Variants in RBBP7 observed in about 807,000 individuals in gnomAD.
RBBP7 encodes RB binding protein 7, chromatin remodeling factor, also known as histone-binding protein RBBP7.
A neutral mutation model predicts 35.2 loss-of-function variants in RBBP7; 5 were observed. The observed-to-expected ratio is 0.14, with a 90% confidence interval of 0.07 to 0.30. RBBP7 has a LOEUF of 0.30. RBBP7 is among the 10% of genes least tolerant of loss of function. The probability of loss-of-function intolerance (pLI) is 1.00; values close to 1 mark genes in which losing one functional copy is unlikely to be tolerated. For synonymous variants in RBBP7, 140 were observed against 118.7 expected (o/e 1.18, Z -1.17); for missense variants, 155 against 327.5 (o/e 0.47, Z 4.07).
rs1030968378 is a variant in RBBP7, at chrX:16,844,943, C to G, written c.*92G>C. On this transcript the variant is annotated 3_prime_UTR_variant, in exon 12 of 12. Transcript: ENST00000380087. ...AAGAAGCCATAAGCCACCCCACTTA[C>G]ATTTCCTACTATACAATGCCTTTTT... is the stretch of plus-strand genomic sequence containing the variant. 1.2e-6 allele frequency: 1 copy of G among 809,529 alleles called. No individual in the cohort carries two copies. Among genetic ancestry groups the G allele is most frequent in the East Asian group, 3.2e-5 (1 of 31,339 alleles). 66.7% of individuals were successfully genotyped at this position (809,529 alleles called of 1,213,427 possible).
At chrX:16,862,823 G>T in intron 3 of RBBP7, 132 bp downstream of exon 3, 1 of 700,574 alleles carries the variant, frequency 1.4e-6, no homozygotes, top group Non-Finnish European at 2.1e-6. Flanking sequence ...CATGTGGGTG[G>T]GAAGTTCTGT....
chrX:16,847,938 C>T (rs1227223114), intron 10 of RBBP7: 10 of 111,528 alleles, frequency 9.0e-5, no homozygotes, highest in Non-Finnish European at 1.7e-4. Context: ...TGTATTTTCT[C>T]AAGGACCTTG....
chrX:16,846,339 G>C (rs1271542003), intron 10 of RBBP7: 1 of 117,339 alleles, frequency 8.5e-6, no homozygotes, highest in Non-Finnish European at 1.8e-5. Context: ...CTCATATACA[G>C]TTAGGTGCAA....
In RBBP7 at chrX:16,869,213, T is replaced by A; in HGVS notation, c.24A>T (p.Glu8Asp). ...TGATGACACGCTCCTCCACAGTATC[T>A]TCAAACACTGAAATTTGGAGAAAGC... MASKEMF[E>D]DTVEERVINE... The change falls in exon 2 of 12, where the codon GAA (glutamate) becomes GAT (aspartate). Residue 8 changes from glutamate (E) to aspartate (D), a missense_variant. By Grantham distance (45) the Glu-to-Asp change is conservative. Transcript: ENST00000380087. The A allele has an allele frequency of 8.3e-7, 1 of 1,203,240 alleles. No homozygotes were observed. Among genetic ancestry groups the A allele is most frequent in the Non-Finnish European group, 1.1e-6 (1 of 892,786 alleles).
chrX:16,857,584 C>T lies in RBBP7; in HGVS notation c.597+10G>A. On this transcript the variant is annotated intron_variant, in intron 5 of 11. Transcript: ENST00000380087. ...CTATATGAACAAATTACAAAGAATA[C>T]GTTTCTCACATGGTCATCAGATGCA... 1 of 1,209,546 alleles carries T rather than the reference C, an allele frequency of 8.3e-7. No individual in the cohort carries two copies. Among genetic ancestry groups the T allele is most frequent in the African/African-American group, 1.7e-5 (1 of 57,685 alleles).
Position 16,853,833 on chromosome X carries a change from G to T in RBBP7, c.607C>A (p.Leu203Met). The T allele has an allele frequency of 1.8e-6, 2 of 1,132,997 alleles. No individual in the cohort carries two copies. Among genetic ancestry groups the T allele is most frequent in the East Asian group, 3.3e-5 (1 of 30,632 alleles). The allele number at this position is 1,132,997 out of a possible 1,213,427, so 93.4% of individuals were successfully genotyped here. Residue 203 changes from leucine to methionine, a missense_variant, in exon 6 of 12, where the codon CTG becomes ATG. Leu to Met is a conservative substitution (Grantham distance 15). Around this residue, in one of 3 missense-constraint regions of RBBP7, gnomAD observed 79 missense variants for 220.8 expected, o/e 0.36. Transcript: ENST00000380087. ...LSASDDHTVC[L>M]WDINAGPKEG... is the part of the protein sequence containing the mutation. The stretch of plus-strand genomic sequence containing the variant: ...TTTGGTCCTGCGTTTATATCCCACA[G>T]ACAAACAGTCTAAGAGAGAAGGAGA...
intron 6 of RBBP7, 70 bp downstream of exon 6, chrX:16,853,612 G>A: frequency 2.1e-6 from 2 of 971,867 alleles, no homozygotes; most frequent in South Asian, 6.5e-5. Flanking sequence ...TCAAACTACA[G>A]CCTGCAGCAA....
intron 1 of RBBP7, chrX:16,869,752 CCTCCGCCCCGGGGCCGA>C: frequency 1.0e-6 from 1 of 970,467 alleles, no homozygotes; most frequent in Non-Finnish European, 1.3e-6. Flanking sequence ...GCGGGGGCCG[CCTCCGCCCCGGGGCCGA>C]GGGCGCCGGA....
At chrX:16,845,674 T>C (rs1303927134) in intron 11 of RBBP7, among the ~76,000 whole-genome samples, 154 bp downstream of exon 11, 1 of 112,621 alleles carries the variant, frequency 8.9e-6, no homozygotes, top group Non-Finnish European at 1.9e-5. Context: ...GGACTAAAGA[T>C]TGTATTGTTG....
intron 10 of RBBP7, 35 bp downstream of exon 10, chrX:16,849,209 A>G (rs1033869523): frequency 6.0e-6 from 7 of 1,168,162 alleles, no homozygotes; most frequent in South Asian, 1.8e-5. Context: ...TCCAATCTGC[A>G]TATGACATTT....
intron 9 of RBBP7, among the ~76,000 whole-genome samples, chrX:16,850,240 T>C (rs1930180698): frequency 8.9e-6 from 1 of 112,854 alleles, no homozygotes; most frequent in Non-Finnish European, 1.9e-5. Context: ...AGGGTCTATG[T>C]TGCCCAGGTT....
Position 16,869,377 on chromosome X carries a change from T to C in RBBP7, c.17-157A>G, listed in dbSNP as rs1930708914. On this transcript the variant is annotated intron_variant, in intron 1 of 11. Coordinates refer to ENST00000380087, the MANE Select transcript of RBBP7 (RefSeq NM_002893.4). ...CTGCTCTTCCAGAAGGTGGAGAAAA[T>C]ACTAACAATCAGGAAGCCTATTTTT... The C allele has an allele frequency of 5.7e-6, 6 of 1,057,407 alleles. No individual in the cohort carries two copies. The South Asian group carries it at 1.4e-4, about 24-fold the overall frequency. 87.1% of individuals were successfully genotyped at this position (1,057,407 alleles called of 1,213,427 possible).
chrX:16,868,607 T>C (rs754195180), intron 2 of RBBP7, among the ~76,000 whole-genome samples: 1 of 112,645 alleles, frequency 8.9e-6, no homozygotes, highest in Non-Finnish European at 1.9e-5. Context: ...GATAACATCT[T>C]TTCTTTGGTC....
rs1242137975 is a variant in RBBP7 at position 16,856,787 on chromosome X, T to C, written c.597+807A>G. On this transcript the variant is annotated intron_variant, in intron 5 of 11. Coordinates refer to ENST00000380087, the MANE Select transcript of RBBP7 (RefSeq NM_002893.4). ...AAAATTAAACAGAGATACCATATGA[T>C]CCAATAATTCCACTCCTAGGTATAT... Among the ~76,000 whole-genome samples, 12 of 111,471 alleles carry C rather than the reference T, an allele frequency of 1.1e-4. No homozygotes were observed. The Admixed American group carries it at 1.2e-3, about 11-fold the overall frequency.
chrX:16,854,221 T>C (rs1930289418), intron 5 of RBBP7, among the ~76,000 whole-genome samples: 1 of 111,804 alleles, frequency 8.9e-6, no homozygotes, highest in Non-Finnish European at 1.9e-5. Flanking sequence ...TTATTTAAAA[T>C]AATTTCATTA....
chrX:16,858,547 G>T, intron 4 of RBBP7, 129 bp downstream of exon 4: 1 of 1,015,744 alleles, frequency 9.8e-7, no homozygotes. Context: ...CTTGAGGATG[G>T]TTATGGGACC....
At chrX:16,857,502 G>T (rs1282175526) in intron 5 of RBBP7, 92 bp downstream of exon 5, 1 of 1,151,328 alleles carries the variant, frequency 8.7e-7, no homozygotes, top group African/African-American at 1.8e-5. Flanking sequence ...TATTATCTTA[G>T]AAAACCTTTC....
intron 1 of RBBP7, 89 bp from the exon 2 acceptor site, chrX:16,869,309 T>A: frequency 1.8e-6 from 2 of 1,093,149 alleles, no homozygotes; most frequent in Non-Finnish European, 2.5e-6. Flanking sequence ...CCACACCTCA[T>A]GTACTCTTTC....
chrX:16,867,786 C>A (rs748914191), intron 2 of RBBP7, among the ~76,000 whole-genome samples: 24 of 110,510 alleles, frequency 2.2e-4, no homozygotes, highest in African/African-American at 7.5e-4. Flanking sequence ...AATTCTCCTG[C>A]CTCTGCCTCC....
Sources: gnomAD v4.1 joint callset for allele counts (sites outside exome capture counted in the v4.1 genomes callset) on GRCh38, gnomAD v4.1.1 for gene constraint, gnomAD v4.1.1 regional missense constraint, MANE v1.5 for transcripts, NCBI Gene and HGNC (gene_info 2026-07-23, HGNC 2026-07-21) for gene names.